The following MAGI2 variants were observed in gnomAD, a reference collection of about 807,000 sequenced individuals.
The protein encoded by MAGI2 is membrane-associated guanylate kinase, WW and PDZ domain-containing protein 2.
MAGI2 carries 35 observed loss-of-function variants against 133.3 expected under a neutral mutation model. The observed-to-expected ratio is 0.26, with a 90% confidence interval of 0.20 to 0.35. MAGI2 has a LOEUF of 0.35. Among genes scored for constraint, MAGI2 ranks in the 10% least tolerant of loss-of-function variants. The pLI is 1.00. For synonymous variants in MAGI2, 729 were observed against 710.6 expected (o/e 1.03, Z -0.41); for missense variants, 1,636 against 1,863.4 (o/e 0.88, Z 2.25).
chr7:78,113,200 T>C (rs1284263223), intron 20 of MAGI2, among the ~76,000 whole-genome samples: 1 of 151,710 alleles, frequency 6.6e-6, no homozygotes, highest in East Asian at 1.9e-4. Context: ...GGCAGCCTTG[T>C]GATGAGGGTC....
intron 6 of MAGI2, among the ~76,000 whole-genome samples, chr7:78,451,951 G>C (rs1019608923): frequency 6.6e-6 from 1 of 152,030 alleles, no homozygotes; most frequent in Non-Finnish European, 1.5e-5. Context: ...TCACAATGGA[G>C]AATCACATCT....
chr7:79,353,098 A>G (rs574616607), intron 1 of MAGI2, among the ~76,000 whole-genome samples: 2 of 152,086 alleles, frequency 1.3e-5, no homozygotes, highest in South Asian at 4.1e-4. Context: ...AAATAACAGG[A>G]GGCCGATTTA....
chr7:78,112,850 C>A (rs1819491368), intron 20 of MAGI2, among the ~76,000 whole-genome samples: 1 of 152,188 alleles, frequency 6.6e-6, no homozygotes, highest in African/African-American at 2.4e-5. Flanking sequence ...ATCACTGCGA[C>A]AAATGCTATG....
At chr7:78,279,683 A>G (rs949307256) in intron 9 of MAGI2, among the ~76,000 whole-genome samples, 1 of 152,082 alleles carries the variant, frequency 6.6e-6, no homozygotes, top group African/African-American at 2.4e-5. Context: ...GTGGGGAGAC[A>G]GTCATGGGAT....
intron 1 of MAGI2, among the ~76,000 whole-genome samples, chr7:79,188,424 G>A (rs971891136): frequency 5.3e-5 from 8 of 151,732 alleles, no homozygotes; most frequent in Non-Finnish European, 1.2e-4. Flanking sequence ...ATGGTTTCCA[G>A]CTCCATCCAT....
intron 1 of MAGI2, among the ~76,000 whole-genome samples, chr7:79,171,770 A>ATATTTTTTTTT: frequency 6.7e-4 from 21 of 31,212 alleles, no homozygotes; most frequent in Admixed American, 1.2e-3. Context: ...ATATATATAT[A>ATATTTTTTTTT]TTTTTTTTTT....
chr7:78,271,952 G>T (rs184450615), intron 9 of MAGI2, among the ~76,000 whole-genome samples: 1 of 152,040 alleles, frequency 6.6e-6, no homozygotes, highest in Non-Finnish European at 1.5e-5. Context: ...CTTCAGTTCT[G>T]CTCTGATCTT....
chr7:78,456,603 T>A (rs7801864), intron 6 of MAGI2, among the ~76,000 whole-genome samples: 33,145 of 151,916 alleles, frequency 0.22, 5,130 homozygotes, highest in African/African-American at 0.43. Context: ...GTGCTAGGAC[T>A]AAAAGACTTG....
chr7:78,118,587 A>C (rs1294135909), intron 20 of MAGI2, among the ~76,000 whole-genome samples: 2 of 152,238 alleles, frequency 1.3e-5, no homozygotes, highest in Non-Finnish European at 2.9e-5. Flanking sequence ...ATGGCAGATT[A>C]GCATATGAAA....
chr7:78,649,307 G>A (rs185723659), intron 2 of MAGI2, among the ~76,000 whole-genome samples: 1 of 142,652 alleles, frequency 7.0e-6, no homozygotes, highest in East Asian at 2.1e-4. Context: ...AAACAAACTT[G>A]CCAGAACTTG....
chr7:79,351,111 A>T (rs1454830453), intron 1 of MAGI2, among the ~76,000 whole-genome samples: 1 of 152,192 alleles, frequency 6.6e-6, no homozygotes, highest in Non-Finnish European at 1.5e-5. Flanking sequence ...TAAAGCAAAG[A>T]AATAATATAC....
At chr7:79,075,867 C>A (rs373555354) in intron 1 of MAGI2, among the ~76,000 whole-genome samples, 3 of 152,100 alleles carry the variant, frequency 2.0e-5, no homozygotes, top group Non-Finnish European at 4.4e-5. Context: ...GTAAACAACA[C>A]CACATAAATT....
chr7:79,097,530 A>G (rs1460041847), intron 1 of MAGI2, among the ~76,000 whole-genome samples: 2 of 152,210 alleles, frequency 1.3e-5, no homozygotes, highest in African/African-American at 2.4e-5. Context: ...TGGGGAACCC[A>G]GGAAGACTCT....
At chr7:78,292,473 A>C (rs1249780061) in intron 9 of MAGI2, among the ~76,000 whole-genome samples, 1 of 152,228 alleles carries the variant, frequency 6.6e-6, no homozygotes, top group Non-Finnish European at 1.5e-5. Context: ...GCTCATGGGT[A>C]GGAAGAATCA....
intron 2 of MAGI2, among the ~76,000 whole-genome samples, chr7:78,686,478 A>G (rs965129925): frequency 6.6e-6 from 1 of 151,958 alleles, no homozygotes; most frequent in Non-Finnish European, 1.5e-5. Flanking sequence ...GATAGAGGTA[A>G]ATCATGCAGT....
At chr7:78,495,526 A>G (rs1794010215) in intron 5 of MAGI2, among the ~76,000 whole-genome samples, 1 of 152,174 alleles carries the variant, frequency 6.6e-6, no homozygotes, top group Non-Finnish European at 1.5e-5. Flanking sequence ...AATAATTACT[A>G]AAGGCAATGA....
chr7:78,348,788 CA>C (rs1457873731), intron 7 of MAGI2, among the ~76,000 whole-genome samples: 22 of 152,114 alleles, frequency 1.4e-4, no homozygotes, highest in Non-Finnish European at 2.2e-4. Context: ...ACAACAACAA[CA>C]AAAGTAAACA....
chr7:79,218,373 T>C (rs968182825), intron 1 of MAGI2, among the ~76,000 whole-genome samples: 16 of 152,024 alleles, frequency 1.1e-4, no homozygotes, highest in Admixed American at 1.3e-4. Context: ...AATCTGTAAG[T>C]TTTAGAGACA....
At chr7:78,407,292 G>T (rs1797466771) in intron 6 of MAGI2, among the ~76,000 whole-genome samples, 2 of 151,944 alleles carry the variant, frequency 1.3e-5, no homozygotes, top group South Asian at 4.2e-4. Flanking sequence ...ATCTGTCACA[G>T]GATAGCGTGC....
Sources: gnomAD v4.1 joint callset for allele counts (sites outside exome capture counted in the v4.1 genomes callset) on GRCh38, gnomAD v4.1.1 for gene constraint, MANE v1.5 for transcripts, NCBI Gene and HGNC (gene_info 2026-07-23, HGNC 2026-07-21) for gene names.